The following CCDC169 variants were observed in gnomAD, a reference collection of about 807,000 sequenced individuals.
CCDC169 encodes the protein coiled-coil domain containing 169.
In CCDC169, 30 loss-of-function variants were observed where a neutral mutation model predicts 36.0. The ratio of observed to expected loss-of-function variants is 0.83; its 90% confidence interval spans 0.62 to 1.13. The LOEUF (loss-of-function observed/expected upper bound fraction) is 1.13. Among genes scored for constraint, CCDC169 ranks in the 50% most tolerant of loss-of-function variants. The pLI is 0.00. For missense variants in CCDC169, 245 were observed against 245.9 expected (o/e 1.00, Z 0.03); for synonymous variants, 85 against 81.5 (o/e 1.04, Z -0.23).
chr13:36,225,698 AAGGTCTAATATCC>A (rs1183783399), downstream of CCDC169: 9 of 152,318 alleles, frequency 5.9e-5, no homozygotes, highest in Middle Eastern at 3.4e-3. Context: ...GCATCTGACA[AAGGTCTAATATCC>A]AGAAACTGTA....
intron 4 of CCDC169, among the ~76,000 whole-genome samples, chr13:36,268,510 A>AT: frequency 1.3e-5 from 2 of 152,316 alleles, no homozygotes; most frequent in African/African-American, 4.8e-5. Context: ...AAAGGCCTGT[A>AT]TCAAAAAAGG....
intron 4 of CCDC169, among the ~76,000 whole-genome samples, chr13:36,257,617 C>T (rs954742340): frequency 6.6e-5 from 10 of 151,992 alleles, no homozygotes; most frequent in African/African-American, 2.4e-4. Context: ...GCAAGTGAGT[C>T]GCTTGAACGC....
rs1249236745 is a variant in CCDC169, at chr13:36,231,066, TA to T, written c.*126del. ...AGGAACACACGTCTGGAAAAGGAAC[TA>T]AAGAAAAATGTGGCAGTTCTTATCT... On this transcript the variant is annotated 3_prime_UTR_variant, in exon 8 of 8. Coordinates refer to ENST00000239859, the MANE Select transcript of CCDC169 (RefSeq NM_001144981.3). The T allele has an allele frequency of 2.1e-6, 3 of 1,428,420 alleles. No homozygotes were observed. Among genetic ancestry groups the T allele is most frequent in the South Asian group, 1.6e-5 (1 of 62,686 alleles). The allele number at this position is 1,428,420 out of a possible 1,614,324, so 88.5% of individuals were successfully genotyped here.
At chr13:36,292,001 T>G (rs987312780) in intron 2 of CCDC169, among the ~76,000 whole-genome samples, 2 of 151,666 alleles carry the variant, frequency 1.3e-5, no homozygotes, top group African/African-American at 4.8e-5. Context: ...TTTTTTTTTT[T>G]TTTTTGGATG....
chr13:36,290,290 ATAATT>A (rs1253804419), intron 2 of CCDC169, among the ~76,000 whole-genome samples: 3 of 152,206 alleles, frequency 2.0e-5, no homozygotes, highest in Non-Finnish European at 4.4e-5. Flanking sequence ...CTAAAATAAT[ATAATT>A]TATTCTGTGC....
chr13:36,268,655 A>AC (rs398037479), intron 4 of CCDC169, among the ~76,000 whole-genome samples: 1 of 152,082 alleles, frequency 6.6e-6, no homozygotes, highest in Non-Finnish European at 1.5e-5. Context: ...AAACAAAAAA[A>AC]CCCCAAAAGA....
chr13:36,265,579 T>C (rs9547029), intron 4 of CCDC169, among the ~76,000 whole-genome samples: 38,880 of 152,128 alleles, frequency 0.26, 5,252 homozygotes, highest in East Asian at 0.49. Flanking sequence ...AGAGCTATGT[T>C]AGGCAGCAGT....
chr13:36,227,356 G>A, downstream of CCDC169: 1 of 1,547,678 alleles, frequency 6.5e-7, no homozygotes, highest in Non-Finnish European at 8.7e-7. Context: ...ACCTTTAAAG[G>A]GTCCAATTCT....
chr13:36,296,386 C>A (rs1879491688), intron 1 of CCDC169, among the ~76,000 whole-genome samples: 2 of 152,212 alleles, frequency 1.3e-5, no homozygotes, highest in Non-Finnish European at 2.9e-5. Context: ...AGCCACCAGG[C>A]CCGGCCCTTG....
intron 4 of CCDC169, chr13:36,274,473 G>A (rs1336141490): frequency 6.6e-6 from 1 of 151,868 alleles, no homozygotes; most frequent in Non-Finnish European, 1.5e-5. Flanking sequence ...TCTTCCCAAG[G>A]AGCTGCTTTT....
downstream of CCDC169, chr13:36,223,471 A>G (rs1255935595): frequency 1.3e-5 from 2 of 152,232 alleles, 1 homozygote; most frequent in African/African-American, 4.8e-5. Flanking sequence ...CTACAAATTC[A>G]AGATTTTTCT....
chr13:36,279,380 A>C (rs1594074799), intron 4 of CCDC169, among the ~76,000 whole-genome samples: 1 of 152,286 alleles, frequency 6.6e-6, no homozygotes, highest in Middle Eastern at 3.4e-3. Context: ...TATTCCAGAC[A>C]TACTGAACTA....
chr13:36,236,200 T>C (rs1566059324), intron 7 of CCDC169, among the ~76,000 whole-genome samples: 1 of 152,024 alleles, frequency 6.6e-6, no homozygotes, highest in Non-Finnish European at 1.5e-5. Flanking sequence ...ACCAAAACAA[T>C]CTTGAAAAAG....
chr13:36,276,571 C>G (rs1193075044), intron 4 of CCDC169, among the ~76,000 whole-genome samples: 1 of 152,192 alleles, frequency 6.6e-6, no homozygotes, highest in East Asian at 1.9e-4. Flanking sequence ...ATCCATCTGA[C>G]TGACTAAGCA....
At chr13:36,269,932 G>C (rs983756808) in intron 4 of CCDC169, among the ~76,000 whole-genome samples, 2 of 140,228 alleles carry the variant, frequency 1.4e-5, no homozygotes, top group Admixed American at 7.3e-5. Context: ...CAGAGCATTC[G>C]GGCAAGAGAG....
At chr13:36,227,704 T>TA (rs1287824991), downstream of CCDC169, among the ~76,000 whole-genome samples, 1 of 152,212 alleles carries the variant, frequency 6.6e-6, no homozygotes, top group Admixed American at 6.5e-5. Flanking sequence ...TTAACCCACT[T>TA]AGAGTATACA....
chr13:36,281,350 T>TA, intron 4 of CCDC169: 1 of 410,538 alleles, frequency 2.4e-6, no homozygotes, highest in Non-Finnish European at 4.7e-6. Context: ...CAACCCTTGA[T>TA]ACATCATGCT....
rs1056711578 is a variant in CCDC169, at chr13:36,265,294, G to A, written c.316-11151C>T. ...TTGATCACCATTTTCTTGTTGTGAC[G>A]ACAAGATTGACAACTTTCAAGATAT... is the stretch of plus-strand genomic sequence containing the variant. On this transcript the variant is annotated intron_variant, in intron 4 of 7. Transcript: ENST00000239859. Among the ~76,000 whole-genome samples, 40 of 152,246 alleles carry A rather than the reference G, an allele frequency of 2.6e-4. 1 individual carries two copies. Among genetic ancestry groups the A allele is most frequent in the African/African-American group, 1.2e-4 (5 of 41,558 alleles).
In CCDC169 at chr13:36,250,582, T is replaced by C. The variant is rs182207507; in HGVS notation, c.469-1900A>G. On this transcript the variant is annotated intron_variant, in intron 6 of 7. Transcript: ENST00000239859. ...AAACCTAGGCAGCCACATTTTTAAA[T>C]GAACAATAACAGAATTGTCCAAAAA... Among the ~76,000 whole-genome samples the C allele has an allele frequency of 3.9e-3, 598 of 152,306 alleles. 7 individuals are homozygous for C. Among genetic ancestry groups the C allele is most frequent in the Non-Finnish European group, 6.4e-3 (432 of 68,022 alleles).
Sources: gnomAD v4.1 joint callset for allele counts (sites outside exome capture counted in the v4.1 genomes callset) on GRCh38, gnomAD v4.1.1 for gene constraint, MANE v1.5 for transcripts, NCBI Gene and HGNC (gene_info 2026-07-23, HGNC 2026-07-21) for gene names.